NCBP1: variants seen among roughly 807,000 people sequenced by gnomAD.
The protein encoded by NCBP1 is nuclear cap binding protein subunit 1, also known as nuclear cap-binding protein subunit 1.
A neutral mutation model predicts 111.7 loss-of-function variants in NCBP1; 16 were observed. The observed-to-expected ratio is 0.14, with a 90% CI of 0.10 to 0.22. The LOEUF is 0.22. NCBP1 is among the 10% of genes least tolerant of loss of function. NCBP1 has a pLI of 1.00. For synonymous variants in NCBP1, 304 were observed against 314.3 expected (o/e 0.97, Z 0.35); for missense variants, 607 against 957.5 (o/e 0.63, Z 4.83).
intron 10 of NCBP1, 88 bp from the exon 11 acceptor site, chr9:97,653,710 A>T (rs1827561349): frequency 1.1e-6 from 1 of 908,034 alleles, no homozygotes; most frequent in Admixed American, 2.3e-5. Flanking sequence ...CCATGGAGTT[A>T]GAGCTCAGAT....
intron 1 of NCBP1, among the ~76,000 whole-genome samples, chr9:97,634,160 G>A (rs1211657238): frequency 2.0e-5 from 3 of 152,254 alleles, no homozygotes; most frequent in Non-Finnish European, 4.4e-5. Context: ...AACCCCATGG[G>A]TAGACCCTTG....
intron 4 of NCBP1, among the ~76,000 whole-genome samples, chr9:97,643,854 C>G (rs561169941): frequency 2.0e-5 from 3 of 152,260 alleles, no homozygotes; most frequent in Admixed American, 6.5e-5. Flanking sequence ...TTAATAGCCT[C>G]TTAACTGATC....
rs1254907842 is a variant in NCBP1 at position 97,671,701 on chromosome 9, C to G, written c.*502C>G. ...GGTGGTTTCTTACTGAAGGTGTTCT[C>G]CATTTGAAATTTTATCTTCAAAGTA... On this transcript the variant is annotated 3_prime_UTR_variant, in exon 23 of 23. Transcript: ENST00000375147. 1 of 152,224 alleles carries G rather than the reference C, an allele frequency of 6.6e-6. No individual in the cohort carries two copies. The highest frequency in any genetic ancestry group is 1.5e-5 in the Non-Finnish European group (1 of 68,070). 9.4% of individuals were successfully genotyped at this position (152,224 alleles called of 1,614,324 possible).
At chr9:97,667,129 C>G (rs1446434994) in intron 20 of NCBP1, among the ~76,000 whole-genome samples, 1 of 152,128 alleles carries the variant, frequency 6.6e-6, no homozygotes, top group Non-Finnish European at 1.5e-5. Context: ...AGTTCACTAT[C>G]TCTGGGTCGG....
At chr9:97,645,039 G>A in intron 4 of NCBP1, 78 bp from the exon 5 acceptor site, 1 of 1,071,024 alleles carries the variant, frequency 9.3e-7, no homozygotes, top group African/African-American at 1.6e-5. Context: ...CAATAGTTTA[G>A]CCTATACAAG....
At chr9:97,657,907 T>TCTCTCTCC (rs1491442206) in intron 14 of NCBP1, among the ~76,000 whole-genome samples, 1 of 104,460 alleles carries the variant, frequency 9.6e-6, no homozygotes, top group East Asian at 3.2e-4. Context: ...TCTCTCTCTC[T>TCTCTCTCC]ATATATATAT....
Position 97,645,198 on chromosome 9 carries a change from G to A in NCBP1, c.463G>A (p.Val155Ile), listed in dbSNP as rs199742053. The A allele has an allele frequency of 4.3e-6, 7 of 1,612,934 alleles. No individual in the cohort carries two copies. The African/African-American group carries it at 6.7e-5, about 15-fold the overall frequency. The change falls in exon 5 of 23, where the codon GTA becomes ATA. Residue 155 changes from valine to isoleucine, a missense_variant. Physicochemically the swap from Val to Ile is conservative, Grantham distance 29 (BLOSUM62 3). Transcript: ENST00000375147. ...TGCTATGTTTGAAAATTTTGTAAGCGTAACTCAGGAAGAAGATGTACCTCA... is the reference window on the plus strand; with the variant it reads ...TGCTATGTTTGAAAATTTTGTAAGCATAACTCAGGAAGAAGATGTACCTCA... ...MVAMFENFVS[V>I]TQEEDVPQVR...
chr9:97,649,377 C>A (rs1588002459), intron 8 of NCBP1, among the ~76,000 whole-genome samples: 1 of 152,068 alleles, frequency 6.6e-6, no homozygotes, highest in African/African-American at 2.4e-5. Context: ...TTTTGACAAC[C>A]AAAAATATCT....
chr9:97,663,206 TTTCA>T (rs1827890246), intron 18 of NCBP1, among the ~76,000 whole-genome samples, 159 bp downstream of exon 18: 1 of 152,210 alleles, frequency 6.6e-6, no homozygotes, highest in Non-Finnish European at 1.5e-5. Context: ...AGTAATGATG[TTTCA>T]TTCATTCTTG....
chr9:97,656,265 A>G (rs1160578363), intron 14 of NCBP1, among the ~76,000 whole-genome samples, 180 bp downstream of exon 14: 1 of 152,212 alleles, frequency 6.6e-6, no homozygotes, highest in African/African-American at 2.4e-5. Flanking sequence ...ATTCCATGTG[A>G]ATTTAAGCCA....
At position 97,636,498 on chromosome 9, in the gene NCBP1, ATATT is replaced by A. The variant is rs1827031538; in HGVS notation, c.34+2587_34+2590del. 1.6e-4 allele frequency among the ~76,000 whole-genome samples: 5 copies of A among 30,560 alleles called. No individual in the cohort carries two copies. The South Asian group carries it at 3.9e-3, about 24-fold the overall frequency. 20.0% of individuals were successfully genotyped at this position (30,560 alleles called of 152,430 possible). ...ATATATTTATATATTATATAAATTT[ATATT>A]TATATATTATAAATTTATATTTATA... On this transcript the variant is annotated intron_variant, in intron 1 of 22. Coordinates refer to ENST00000375147, the MANE Select transcript of NCBP1 (RefSeq NM_002486.5).
chr9:97,664,440 C>T lies in NCBP1; in HGVS notation c.1898C>T (p.Thr633Ile). ...TCTTCAGAACTATCTCGTGACTTTA[C>T]CAGGTAATATAAATTATTTTATGAA... ...IFSSELSRDF[T>I]RLFVWEILHS... is the part of the protein sequence containing the mutation. Residue 633 changes from threonine (T) to isoleucine (I), a missense_variant, in exon 19 of 23, where the codon ACC becomes ATC. This residue lies in a region of NCBP1 where 282 missense variants were observed against 376.5 expected (regional missense o/e 0.75). Transcript: ENST00000375147. 1 of 1,586,878 alleles carries T rather than the reference C, an allele frequency of 6.3e-7. No individual in the cohort carries two copies. The highest frequency in any genetic ancestry group is 8.6e-7 in the Non-Finnish European group (1 of 1,156,076).
At chr9:97,650,714 G>C (rs1453191127) in intron 9 of NCBP1, 114 bp downstream of exon 9, 9 of 777,616 alleles carry the variant, frequency 1.2e-5, no homozygotes, top group Admixed American at 2.5e-5. Flanking sequence ...CTGACTCCCT[G>C]TCTTGCTAAA....
At chr9:97,656,189 C>T (rs1015781137) in intron 14 of NCBP1, 104 bp downstream of exon 14, 1 of 930,624 alleles carries the variant, frequency 1.1e-6, no homozygotes, top group South Asian at 1.6e-5. Context: ...AATCCACTTA[C>T]TCATCTTCCA....
chr9:97,645,924 C>G (rs1827319130), intron 6 of NCBP1, among the ~76,000 whole-genome samples, 192 bp downstream of exon 6: 1 of 152,212 alleles, frequency 6.6e-6, no homozygotes, highest in Admixed American at 6.5e-5. Flanking sequence ...TTTGCCAGTG[C>G]AAAGGACAGT....
chr9:97,647,396 T>C (rs1827372773), intron 6 of NCBP1, 96 bp from the exon 7 acceptor site: 1 of 938,064 alleles, frequency 1.1e-6, no homozygotes, highest in African/African-American at 1.6e-5. Context: ...TAAAATGTTA[T>C]TTCATTGCTT....
intron 19 of NCBP1, among the ~76,000 whole-genome samples, chr9:97,665,892 A>G (rs1197929124): frequency 6.6e-6 from 1 of 152,202 alleles, no homozygotes; most frequent in Non-Finnish European, 1.5e-5. Context: ...TATGTGTTAT[A>G]TCCTGTATTC....
chr9:97,638,871 A>C (rs777231512), intron 1 of NCBP1, among the ~76,000 whole-genome samples: 4 of 152,160 alleles, frequency 2.6e-5, no homozygotes, highest in Non-Finnish European at 5.9e-5. Flanking sequence ...CAAAATCTAC[A>C]CCCTGTTGAG....
At chr9:97,666,192 C>T (rs1169035608) in intron 19 of NCBP1, among the ~76,000 whole-genome samples, 1 of 152,162 alleles carries the variant, frequency 6.6e-6, no homozygotes, top group Non-Finnish European at 1.5e-5. Flanking sequence ...CATTTCAAAG[C>T]ACCTACAAAG....
Sources: gnomAD v4.1 joint callset for allele counts (sites outside exome capture counted in the v4.1 genomes callset) on GRCh38, gnomAD v4.1.1 for gene constraint, gnomAD v4.1.1 regional missense constraint, MANE v1.5 for transcripts, NCBI Gene and HGNC (gene_info 2026-07-23, HGNC 2026-07-21) for gene names.